The following GXYLT1 variants were observed in gnomAD, a reference collection of about 807,000 sequenced individuals.
GXYLT1 encodes the protein glycosyltransferase 8 domain containing 3.
In GXYLT1, 29 loss-of-function variants were observed where a neutral mutation model predicts 54.0. The observed-to-expected ratio is 0.54, with a 90% CI of 0.40 to 0.73. GXYLT1 has a LOEUF of 0.73. Among genes scored for constraint, GXYLT1 ranks in the 30% least tolerant of loss-of-function variants. The pLI is 0.00. For synonymous variants in GXYLT1, 176 were observed against 204.1 expected (o/e 0.86, Z 1.17); for missense variants, 490 against 553.4 (o/e 0.89, Z 1.15).
intron 1 of GXYLT1, among the ~76,000 whole-genome samples, chr12:42,142,416 A>G (rs780254133): frequency 6.6e-6 from 1 of 151,258 alleles, no homozygotes; most frequent in Admixed American, 6.6e-5. Flanking sequence ...AGCTCACTGT[A>G]GCCTTGAACT....
chr12:42,127,336 T>A (rs1406976156), intron 2 of GXYLT1, among the ~76,000 whole-genome samples: 2 of 130,734 alleles, frequency 1.5e-5, no homozygotes, highest in African/African-American at 5.5e-5. Context: ...CATAATTATA[T>A]GACACAAAAT....
At chr12:42,103,354 T>C (rs1018104675) in intron 5 of GXYLT1, among the ~76,000 whole-genome samples, 1 of 152,158 alleles carries the variant, frequency 6.6e-6, no homozygotes, top group African/African-American at 2.4e-5. Context: ...GGCAAATAAA[T>C]AAACTATGAC....
At position 42,087,824 on chromosome 12, in the gene GXYLT1, C is replaced by G; in HGVS notation, c.1285G>C (p.Val429Leu). 6.2e-7 allele frequency: 1 copy of G among 1,606,820 alleles called. No individual in the cohort carries two copies. The highest frequency in any genetic ancestry group is 1.1e-5 in the South Asian group (1 of 89,870). ...GGTGATCTGGCATAACGATCTCTTA[C>G]ACTTTTTGCTAGTTGTTTGATAAAT... ...KIFIKQLAKS[V>L]RDRYARSPKE... The change falls in exon 8 of 8, where the codon GTA (valine) becomes CTA (leucine). Residue 429 changes from valine to leucine, a missense_variant. Physicochemically the swap from Val to Leu is conservative, Grantham distance 32 (BLOSUM62 1). Transcript: ENST00000398675.
chr12:42,104,154 T>G (rs2065405528), intron 5 of GXYLT1, among the ~76,000 whole-genome samples: 1 of 152,190 alleles, frequency 6.6e-6, no homozygotes, highest in Non-Finnish European at 1.5e-5. Context: ...ATAGCTATTT[T>G]TAAGTTGTAA....
At chr12:42,137,274 C>T (rs970349890) in intron 1 of GXYLT1, among the ~76,000 whole-genome samples, 1 of 151,596 alleles carries the variant, frequency 6.6e-6, no homozygotes, top group Non-Finnish European at 1.5e-5. Flanking sequence ...TTTGGGAGGC[C>T]GAGGCAGAAG....
chr12:42,114,039 T>A (rs1218654001), intron 3 of GXYLT1, among the ~76,000 whole-genome samples: 1 of 152,116 alleles, frequency 6.6e-6, no homozygotes, highest in African/African-American at 2.4e-5. Context: ...ACTAGGTAAA[T>A]AATGAAATGA....
rs1347399474 is a variant in GXYLT1, at chr12:42,132,386, C to T, written c.222-2535G>A. On this transcript the variant is annotated intron_variant, in intron 1 of 7. Coordinates refer to ENST00000398675, the MANE Select transcript of GXYLT1 (RefSeq NM_173601.2). Reference sequence around the variant, plus strand: ...TACTGATCATTTCTCTTATGATAATCCTGTTTACTCCAACTTAAAAATGAT... The same window carrying T: ...TACTGATCATTTCTCTTATGATAATTCTGTTTACTCCAACTTAAAAATGAT... 6.6e-5 allele frequency among the ~76,000 whole-genome samples: 10 copies of T among 152,248 alleles called. No individual in the cohort carries two copies. The East Asian group carries it at 1.9e-3, about 29-fold the overall frequency.
At chr12:42,097,838 G>T in intron 6 of GXYLT1, 72 bp downstream of exon 6, 3 of 1,164,178 alleles carry the variant, frequency 2.6e-6, no homozygotes, top group South Asian at 1.4e-5. Flanking sequence ...TCAGATAAGT[G>T]CATGTTTTCC....
chr12:42,099,615 G>C (rs911865352), intron 5 of GXYLT1, among the ~76,000 whole-genome samples: 6 of 152,180 alleles, frequency 3.9e-5, no homozygotes, highest in Non-Finnish European at 8.8e-5. Context: ...CACTTTGGGA[G>C]GCCGAGGCAG....
chr12:42,136,048 T>C (rs188969050), intron 1 of GXYLT1, among the ~76,000 whole-genome samples: 1 of 152,188 alleles, frequency 6.6e-6, no homozygotes, highest in Non-Finnish European at 1.5e-5. Flanking sequence ...CATAAAACAC[T>C]TAGGTATTGC....
At chr12:42,142,053 T>C (rs1009374549) in intron 1 of GXYLT1, among the ~76,000 whole-genome samples, 9 of 152,344 alleles carry the variant, frequency 5.9e-5, no homozygotes, top group Non-Finnish European at 1.0e-4. Flanking sequence ...ATAGTTATAA[T>C]CTTTCAAGTA....
chr12:42,144,810 A>C lies in GXYLT1; in HGVS notation c.-164T>G. ...TTCCTTCCCTCCCCGCCCACCACCT[A>C]GGCGAGCGCAGTCGCGGCTCCGGAG... On this transcript the variant is annotated 5_prime_UTR_variant, in exon 1 of 8. Coordinates refer to ENST00000398675, the MANE Select transcript of GXYLT1 (RefSeq NM_173601.2). The C allele has an allele frequency of 2.4e-6, 1 of 417,902 alleles. No individual in the cohort carries two copies. The highest frequency in any genetic ancestry group is 4.0e-6 in the Non-Finnish European group (1 of 248,738). 25.9% of individuals were successfully genotyped at this position (417,902 alleles called of 1,614,324 possible).
chr12:42,128,492 T>C (rs1565579378), intron 2 of GXYLT1, among the ~76,000 whole-genome samples: 1 of 152,136 alleles, frequency 6.6e-6, no homozygotes, highest in Non-Finnish European at 1.5e-5. Flanking sequence ...CATCATCTGG[T>C]CACTCCCTCC....
intron 7 of GXYLT1, among the ~76,000 whole-genome samples, chr12:42,097,041 G>T (rs1297951374): frequency 6.6e-6 from 1 of 152,092 alleles, no homozygotes; most frequent in East Asian, 1.9e-4. Context: ...GACAAAGACT[G>T]AGAAACTGTT....
In GXYLT1 at chr12:42,082,089, T is replaced by C. The variant is rs959533065; in HGVS notation, c.*5697A>G. The C allele has an allele frequency of 2.0e-5, 3 of 152,140 alleles. No homozygotes were observed. Among genetic ancestry groups the C allele is most frequent in the Admixed American group, 6.5e-5 (1 of 15,276 alleles). The allele number at this position is 152,140 out of a possible 1,614,324, so 9.4% of individuals were successfully genotyped here. On this transcript the variant is annotated 3_prime_UTR_variant, in exon 8 of 8. Coordinates refer to ENST00000398675, the MANE Select transcript of GXYLT1 (RefSeq NM_173601.2). ...TTTAAGATAAAGAGCAGTGTAAGAG[T>C]AGTATTCTCTACATACCACAGTATA...
In GXYLT1 at chr12:42,097,568, A is replaced by G; in HGVS notation, c.1035T>C (p.His345=). ...FPCQWNYRPD[H]CIYGSNCQEA... ...CTTGGCAATTGCTTCCATATATACAATGATCTGGTCGATAATTCCATTGAC... is the reference window on the plus strand; with the variant it reads ...CTTGGCAATTGCTTCCATATATACAGTGATCTGGTCGATAATTCCATTGAC... Residue 345 remains histidine, a synonymous_variant, in exon 7 of 8, where the codon CAT becomes CAC. Transcript: ENST00000398675. 6.2e-7 allele frequency: 1 copy of G among 1,610,382 alleles called. No homozygotes were observed. Among genetic ancestry groups the G allele is most frequent in the Non-Finnish European group, 8.5e-7 (1 of 1,178,956 alleles).
intron 5 of GXYLT1, among the ~76,000 whole-genome samples, chr12:42,099,276 C>T (rs1246846149): frequency 6.6e-6 from 1 of 152,128 alleles, no homozygotes; most frequent in Non-Finnish European, 1.5e-5. Flanking sequence ...GACCATACTA[C>T]GCTACTTGAG....
chr12:42,125,293 A>G (rs1440636616), intron 2 of GXYLT1, among the ~76,000 whole-genome samples: 1 of 152,214 alleles, frequency 6.6e-6, no homozygotes, highest in Non-Finnish European at 1.5e-5. Context: ...GAGGAGCTAG[A>G]GCATGAGTTC....
rs77940338 is a variant in GXYLT1, at chr12:42,105,928, G to A, written c.754C>T (p.Arg252Ter). ...AAMAPEHEEP[R>*]IGWYNRFARH... ...GCAAAGCGATTATACCATCCTATTC[G>A]AGGTTCCTCATGTTCTGGTGCCATT... Residue 252 changes from arginine (R) to a stop codon, truncating the protein, a stop_gained, in exon 5 of 8, where the codon CGA becomes TGA. Transcript: ENST00000398675. LOFTEE classifies it high-confidence loss of function. 2.1e-6 allele frequency: 3 copies of A among 1,400,308 alleles called. No homozygotes were observed. The highest frequency in any genetic ancestry group is 1.5e-5 in the South Asian group (1 of 65,844). The allele number at this position is 1,400,308 out of a possible 1,614,324, so 86.7% of individuals were successfully genotyped here. A position where few individuals can be genotyped will look rare whatever the true frequency, so the allele number is the denominator to read the frequency against.
Sources: allele counts gnomAD v4.1 joint callset (sites outside exome capture counted in the v4.1 genomes callset), GRCh38; gene constraint gnomAD v4.1.1; transcripts MANE v1.5; gene names NCBI Gene and HGNC (gene_info 2026-07-23, HGNC 2026-07-21).